NCOA2: variants seen among roughly 807,000 people sequenced by gnomAD.
The protein encoded by NCOA2 is nuclear receptor coactivator 2, also known as class E basic helix-loop-helix protein 75.
NCOA2 carries 21 observed loss-of-function variants against 145.1 expected under a neutral mutation model. That is an observed-to-expected ratio of 0.14 (90% CI 0.10 to 0.21). The LOEUF (loss-of-function observed/expected upper bound fraction) is 0.21, where lower values mean the gene tolerates loss of function less well. Ranked by LOEUF, NCOA2 falls within the 10% of genes least tolerant of loss-of-function variation. The pLI is 1.00. For missense variants in NCOA2, 1,472 were observed against 1,837.6 expected (o/e 0.80, Z 3.64); for synonymous variants, 619 against 637.5 (o/e 0.97, Z 0.44).
intron 1 of NCOA2, among the ~76,000 whole-genome samples, chr8:70,325,703 G>A (rs1586496752): frequency 6.6e-6 from 1 of 152,294 alleles, no homozygotes. Context: ...GTGCCTGGCT[G>A]AAAATAACAT....
the NCOA2 span, among the ~76,000 whole-genome samples, chr8:70,423,221 T>C: frequency 6.6e-6 from 1 of 152,200 alleles, no homozygotes; most frequent in African/African-American, 2.4e-5. Context: ...TTTGTTCTTG[T>C]TGCTCAGGCT....
intron 3 of NCOA2, 47 bp from the exon 4 acceptor site, chr8:70,214,122 T>C (rs1229242690): frequency 3.4e-5 from 53 of 1,541,620 alleles, no homozygotes; most frequent in East Asian, 1.8e-4. Flanking sequence ...AAAAGAGCTA[T>C]TGTGAAAAAA....
chr8:70,327,055 T>C (rs1365765406), intron 1 of NCOA2, among the ~76,000 whole-genome samples: 2 of 152,226 alleles, frequency 1.3e-5, no homozygotes, highest in Admixed American at 1.3e-4. Flanking sequence ...TTTCCTTGCC[T>C]AACTTCAAAG....
chr8:70,367,185 T>C (rs1810780878), intron 1 of NCOA2, among the ~76,000 whole-genome samples: 1 of 152,246 alleles, frequency 6.6e-6, no homozygotes, highest in African/African-American at 2.4e-5. Context: ...GATTTTCCTT[T>C]CAACCATAGC....
chr8:70,192,349 T>C (rs115572532), intron 4 of NCOA2, among the ~76,000 whole-genome samples: 164 of 152,326 alleles, frequency 1.1e-3, no homozygotes, highest in African/African-American at 3.8e-3. Flanking sequence ...AATAAACTGA[T>C]GGCTAGAGGA....
intron 1 of NCOA2, among the ~76,000 whole-genome samples, chr8:70,370,515 C>T (rs1811117621): frequency 6.6e-6 from 1 of 152,076 alleles, no homozygotes; most frequent in African/African-American, 2.4e-5. Flanking sequence ...ATTTATTCCA[C>T]GTTCTTCCTA....
chr8:70,278,158 C>T (rs976762048), intron 2 of NCOA2, among the ~76,000 whole-genome samples: 1 of 152,158 alleles, frequency 6.6e-6, no homozygotes, highest in African/African-American at 2.4e-5. Flanking sequence ...TGGAATCATA[C>T]AATATATGGC....
chr8:70,159,243 T>TATGTATATA (rs869045939), intron 10 of NCOA2, among the ~76,000 whole-genome samples: 3 of 82,084 alleles, frequency 3.7e-5, no homozygotes, highest in African/African-American at 1.5e-4. Flanking sequence ...TATATATATA[T>TATGTATATA]TTTTTTTTTT....
chr8:70,436,329 G>A, the NCOA2 span, among the ~76,000 whole-genome samples: 3 of 152,102 alleles, frequency 2.0e-5, no homozygotes, highest in Non-Finnish European at 4.4e-5. Flanking sequence ...TATAGCCAAC[G>A]TTTATTACAT....
At chr8:70,214,825 A>G (rs916554561) in intron 3 of NCOA2, among the ~76,000 whole-genome samples, 1 of 152,154 alleles carries the variant, frequency 6.6e-6, no homozygotes, top group African/African-American at 2.4e-5. Flanking sequence ...AACAGCATAC[A>G]ATTATTTTCT....
At chr8:70,141,470 T>A (rs1810418855) in intron 13 of NCOA2, 71 bp from the exon 14 acceptor site, 1 of 1,326,868 alleles carries the variant, frequency 7.5e-7, no homozygotes, top group Non-Finnish European at 1.1e-6. Context: ...GAACACCAGA[T>A]GATCTTACCC....
At chr8:70,408,046 C>T (rs1295155224), upstream of NCOA2, among the ~76,000 whole-genome samples, 1 of 152,092 alleles carries the variant, frequency 6.6e-6, no homozygotes, top group African/African-American at 2.4e-5. Flanking sequence ...CCCCTCTATT[C>T]ATACCTCCCT....
At chr8:70,212,977 G>A (rs903448581) in intron 4 of NCOA2, among the ~76,000 whole-genome samples, 5 of 151,710 alleles carry the variant, frequency 3.3e-5, no homozygotes, top group African/African-American at 9.7e-5. Flanking sequence ...CCAGCTACTC[G>A]GGAGGCTGAG....
At chr8:70,309,354 T>C (rs991022654) in intron 1 of NCOA2, among the ~76,000 whole-genome samples, 15 of 146,252 alleles carry the variant, frequency 1.0e-4, no homozygotes, top group Middle Eastern at 3.5e-3. Context: ...CTTTCATAAA[T>C]AGTAATAAGG....
intron 22 of NCOA2, among the ~76,000 whole-genome samples, chr8:70,114,753 C>A (rs1259967058): frequency 6.6e-6 from 1 of 152,134 alleles, no homozygotes; most frequent in African/African-American, 2.4e-5. Flanking sequence ...GAATTCTAGC[C>A]CATCAGGGCC....
intron 1 of NCOA2, among the ~76,000 whole-genome samples, chr8:70,382,784 A>C (rs1812326171): frequency 6.6e-6 from 1 of 152,214 alleles, no homozygotes; most frequent in Admixed American, 6.5e-5. Context: ...GATATGGAAA[A>C]GCAGTCTGTA....
rs372527776 is a variant in NCOA2 at position 70,277,999 on chromosome 8, T to C, written c.-20+18745A>G. ...GTTGTGCAACCAATACCACAATCAA[T>C]TTTAGAACATTATTAACACTATAAA... On this transcript the variant is annotated intron_variant, in intron 2 of 22. Coordinates refer to ENST00000452400, the MANE Select transcript of NCOA2 (RefSeq NM_006540.4). Among the ~76,000 whole-genome samples, 4 of 152,304 alleles carry C rather than the reference T, an allele frequency of 2.6e-5. No individual in the cohort carries two copies. The East Asian group carries it at 5.8e-4, about 22-fold the overall frequency.
At chr8:70,391,768 A>G (rs950192543) in intron 1 of NCOA2, among the ~76,000 whole-genome samples, 1 of 152,192 alleles carries the variant, frequency 6.6e-6, no homozygotes, top group Non-Finnish European at 1.5e-5. Flanking sequence ...ACAAAATGCA[A>G]TGAGTAAACT....
At chr8:70,318,273 A>G (rs1048591614) in intron 1 of NCOA2, among the ~76,000 whole-genome samples, 3 of 152,272 alleles carry the variant, frequency 2.0e-5, no homozygotes, top group African/African-American at 7.2e-5. Flanking sequence ...ATTTGTTTCC[A>G]AAATACGCCT....
Sources: gnomAD v4.1 joint callset for allele counts (sites outside exome capture counted in the v4.1 genomes callset) on GRCh38, gnomAD v4.1.1 for gene constraint, MANE v1.5 for transcripts, NCBI Gene and HGNC (gene_info 2026-07-23, HGNC 2026-07-21) for gene names.